Variants in IRAK1BP1 observed in about 807,000 individuals in gnomAD.
The protein encoded by IRAK1BP1 is interleukin 1 receptor associated kinase 1 binding protein 1.
A neutral mutation model predicts 28.0 loss-of-function variants in IRAK1BP1; 24 were observed. That is an observed-to-expected ratio of 0.86 (90% confidence interval 0.62 to 1.20). IRAK1BP1 has a LOEUF of 1.20. Ranked by LOEUF, IRAK1BP1 falls within the 50% of genes most tolerant of loss-of-function variation. IRAK1BP1 has a pLI of 0.00. For missense variants in IRAK1BP1, 336 were observed against 316.7 expected, an observed-to-expected ratio of 1.06 and a Z score of -0.46; for synonymous variants, 131 against 116.3, an observed-to-expected ratio of 1.13 and a Z score of -0.81.
At chr6:78,931,708 T>C (rs1324034273) in intron 4 of IRAK1BP1, among the ~76,000 whole-genome samples, 1 of 152,164 alleles carries the variant, frequency 6.6e-6, no homozygotes. Context: ...TGCTAGAAAA[T>C]GCTAATGATC....
At chr6:78,977,388 CG>C in the IRAK1BP1 span, among the ~76,000 whole-genome samples, 1 of 142,460 alleles carries the variant, frequency 7.0e-6, no homozygotes, top group South Asian at 2.4e-4. Context: ...GGGTGGGGGA[CG>C]GGGGAGGGAT....
At chr6:78,967,792 T>C in the IRAK1BP1 span, among the ~76,000 whole-genome samples, 1 of 152,150 alleles carries the variant, frequency 6.6e-6, no homozygotes, top group African/African-American at 2.4e-5. Context: ...TGCACTTTGA[T>C]CTCTATTATT....
chr6:78,935,505 G>A (rs568495181), intron 4 of IRAK1BP1: 2 of 979,280 alleles, frequency 2.0e-6, no homozygotes, highest in East Asian at 1.1e-4. Flanking sequence ...GTGTTCCACT[G>A]AAATGTATCT....
At chr6:78,914,687 G>A (rs1374045682) in intron 4 of IRAK1BP1, among the ~76,000 whole-genome samples, 3 of 152,150 alleles carry the variant, frequency 2.0e-5, no homozygotes, top group Non-Finnish European at 4.4e-5. Context: ...CCAGTGAATT[G>A]TCACTGCCTA....
chr6:78,934,878 A>C (rs1488677895), intron 4 of IRAK1BP1, among the ~76,000 whole-genome samples: 1 of 152,180 alleles, frequency 6.6e-6, no homozygotes, highest in Non-Finnish European at 1.5e-5. Flanking sequence ...CAGTATGTCT[A>C]ACCAATTAGG....
intron 4 of IRAK1BP1, among the ~76,000 whole-genome samples, chr6:78,943,810 A>G (rs1403844389): frequency 6.6e-6 from 1 of 151,900 alleles, no homozygotes; most frequent in East Asian, 1.9e-4. Context: ...AAAATGGTGA[A>G]ATCCTGTCTA....
At chr6:78,905,697 G>A (rs1436883546), downstream of IRAK1BP1, among the ~76,000 whole-genome samples, 1 of 152,154 alleles carries the variant, frequency 6.6e-6, no homozygotes, top group Non-Finnish European at 1.5e-5. Context: ...CGCCTCCTGG[G>A]TTCAAGTGAT....
chr6:78,972,241 C>G, the IRAK1BP1 span, among the ~76,000 whole-genome samples: 1 of 152,208 alleles, frequency 6.6e-6, no homozygotes. Flanking sequence ...AGCAGCCTAA[C>G]TGGGAGGCAC....
At chr6:78,896,514 A>G (rs1771888027) in intron 2 of IRAK1BP1, among the ~76,000 whole-genome samples, 1 of 152,200 alleles carries the variant, frequency 6.6e-6, no homozygotes, top group South Asian at 2.1e-4. Flanking sequence ...AAAAAGGCAA[A>G]TCTTTAACAG....
chr6:78,889,135 G>T lies in IRAK1BP1; in HGVS notation c.381+3692G>T, dbSNP rs66664760. On this transcript the variant is annotated intron_variant, in intron 2 of 3. Coordinates refer to ENST00000369940, the MANE Select transcript of IRAK1BP1 (RefSeq NM_001010844.4). ...CTGTCTCAAAAAAAAAAAAAAAAAA[G>T]AAAGAAAGAAAGATTAGATGGTGGA... Among the ~76,000 whole-genome samples, 3 of 122,348 alleles carry T rather than the reference G, an allele frequency of 2.5e-5. No homozygotes were observed. The Admixed American group carries it at 2.5e-4, about 10-fold the overall frequency. 80.3% of individuals were successfully genotyped at this position (122,348 alleles called of 152,430 possible). A position where few individuals can be genotyped will look rare whatever the true frequency, so the allele number is the denominator to read the frequency against.
At chr6:78,952,417 CA>C in the IRAK1BP1 span, among the ~76,000 whole-genome samples, 69 of 59,908 alleles carry the variant, frequency 1.2e-3, no homozygotes, top group Admixed American at 3.7e-3. Flanking sequence ...GACTCTGTCC[CA>C]AAAAAAAAAG....
At position 78,939,085 on chromosome 6, in the gene IRAK1BP1, A is replaced by T. The variant is rs189839512; in HGVS notation, c.*68-6323A>T. On this transcript the variant is annotated intron_variant and NMD_transcript_variant, in intron 4 of 4. Coordinates refer to the IRAK1BP1 transcript ENST00000606868. The stretch of plus-strand genomic sequence containing the variant: ...AAAATACTACATTCTTTAAATTTTT[A>T]AAAAAATGGACAGTAATTTTTAAAC... 235 of 151,808 alleles carry T rather than the reference A, an allele frequency of 1.5e-3. 1 individual carries two copies. Among genetic ancestry groups the T allele is most frequent in the African/African-American group, 5.0e-3 (209 of 41,524 alleles). 9.4% of individuals were successfully genotyped at this position (151,808 alleles called of 1,614,324 possible). A position where few individuals can be genotyped will look rare whatever the true frequency, so the allele number is the denominator to read the frequency against.
At chr6:78,955,332 T>C in the IRAK1BP1 span, 2 of 1,277,784 alleles carry the variant, frequency 1.6e-6, no homozygotes, top group Non-Finnish European at 1.1e-6. Context: ...GATGTCATTA[T>C]ACTTTATAGT....
intron 4 of IRAK1BP1, among the ~76,000 whole-genome samples, chr6:78,926,393 T>C (rs1772892663): frequency 1.3e-5 from 2 of 152,118 alleles, no homozygotes. Flanking sequence ...ACTGTTTGTT[T>C]TAAATTTTTT....
intron 4 of IRAK1BP1, among the ~76,000 whole-genome samples, chr6:78,922,943 C>A (rs944413251): frequency 1.3e-5 from 2 of 152,136 alleles, no homozygotes; most frequent in South Asian, 2.1e-4. Flanking sequence ...TGGAAAGGAA[C>A]AATCGGTACC....
chr6:78,915,902 T>A (rs1219644198), intron 4 of IRAK1BP1, among the ~76,000 whole-genome samples: 1 of 152,218 alleles, frequency 6.6e-6, no homozygotes, highest in Non-Finnish European at 1.5e-5. Flanking sequence ...AGTAATATGA[T>A]CTGTGGCAGA....
At chr6:78,911,735 C>T (rs1050723768) in intron 4 of IRAK1BP1, among the ~76,000 whole-genome samples, 1 of 152,098 alleles carries the variant, frequency 6.6e-6, no homozygotes, top group African/African-American at 2.4e-5. Context: ...TACTCTGTAC[C>T]GGGCACTGGG....
intron 1 of IRAK1BP1, among the ~76,000 whole-genome samples, chr6:78,873,773 A>G (rs1262957481): frequency 6.6e-6 from 1 of 152,212 alleles, no homozygotes; most frequent in Non-Finnish European, 1.5e-5. Flanking sequence ...ACCTAGCCTT[A>G]TAGAACTATT....
the IRAK1BP1 span, among the ~76,000 whole-genome samples, chr6:78,964,223 T>TA: frequency 1.3e-4 from 19 of 151,406 alleles, no homozygotes; most frequent in East Asian, 7.7e-4. Context: ...AGCAGTGAGA[T>TA]AAAAAAAAAT....
Sources: gnomAD v4.1 joint callset for allele counts (sites outside exome capture counted in the v4.1 genomes callset) on GRCh38, gnomAD v4.1.1 for gene constraint, MANE v1.5 for transcripts, NCBI Gene and HGNC (gene_info 2026-07-23, HGNC 2026-07-21) for gene names.